SVIL: variants seen among roughly 807,000 people sequenced by gnomAD.
The protein encoded by SVIL is supervillin.
In SVIL, 101 loss-of-function variants were observed where a neutral mutation model predicts 240.4. That is an observed-to-expected ratio of 0.42 (90% CI 0.36 to 0.50). The LOEUF (loss-of-function observed/expected upper bound fraction) is 0.50. SVIL is among the 20% of genes least tolerant of loss of function. The pLI, the probability that SVIL is intolerant of heterozygous loss-of-function variation, is 0.01. For missense variants in SVIL, 2,512 were observed against 2,818.7 expected (o/e 0.89, Z 2.46); for synonymous variants, 999 against 1,100.0 (o/e 0.91, Z 1.82).
chr10:29,700,009 C>G (rs1406683511), intron 1 of SVIL, among the ~76,000 whole-genome samples: 1 of 152,168 alleles, frequency 6.6e-6, no homozygotes, highest in Non-Finnish European at 1.5e-5. Flanking sequence ...AAACTCAGGA[C>G]AGAATTGGTT....
intron 1 of SVIL, among the ~76,000 whole-genome samples, chr10:29,625,478 T>C (rs1227504277): frequency 2.0e-5 from 3 of 152,166 alleles, no homozygotes; most frequent in Admixed American, 1.3e-4. Context: ...TTTTCCTTTT[T>C]TTTGAGACGG....
Position 29,524,520 on chromosome 10 carries a change from C to G in SVIL, c.2538G>C (p.Met846Ile). The G allele has an allele frequency of 6.2e-7, 1 of 1,614,206 alleles. No individual in the cohort carries two copies. The highest frequency in any genetic ancestry group is 2.2e-5 in the East Asian group (1 of 44,864). ...CTGGCTGAGTTTGATAGCGAGCGTT[C>G]ATTCTCCTCTGTCTCGTGTCTATTC... ...RNRIDTRQRR[M>I]NARYQTQPVT... The change falls in exon 14 of 38, where the codon ATG becomes ATC. Residue 846 changes from methionine (M) to isoleucine (I), a missense_variant. Around this residue, in one of 3 missense-constraint regions of SVIL, gnomAD observed 1,443 missense variants for 1,486.6 expected, o/e 0.97. Transcript: ENST00000355867.
intron 1 of SVIL, among the ~76,000 whole-genome samples, chr10:29,703,892 C>T (rs1324151701): frequency 6.6e-6 from 1 of 152,136 alleles, no homozygotes; most frequent in Non-Finnish European, 1.5e-5. Flanking sequence ...GCCTCAAACT[C>T]CTGGGCTCAA....
chr10:29,568,166 A>G (rs1195396840), intron 2 of SVIL, among the ~76,000 whole-genome samples: 3 of 152,086 alleles, frequency 2.0e-5, no homozygotes, highest in East Asian at 1.9e-4. Flanking sequence ...ATGACCCTGG[A>G]TCATCATTGC....
intron 2 of SVIL, among the ~76,000 whole-genome samples, chr10:29,677,823 G>T (rs975452638): frequency 2.0e-5 from 3 of 152,116 alleles, no homozygotes; most frequent in African/African-American, 7.2e-5. Context: ...AACTACATCA[G>T]GAGCTCATTT....
At position 29,703,780 on chromosome 10, in the gene SVIL, A is replaced by G. The variant is rs973347514; in HGVS notation, c.-399-17129T>C. Among the ~76,000 whole-genome samples, 3 of 152,242 alleles carry G rather than the reference A, an allele frequency of 2.0e-5. No individual in the cohort carries two copies. In the East Asian group the frequency reaches 5.8e-4, roughly 29 times the overall value. On this transcript the variant is annotated intron_variant, in intron 1 of 35. Coordinates refer to the SVIL transcript ENST00000375400. ...CAGTAAAGGCCAAGTCTCTCCTCCA[A>G]AGTCCCTGTCAGGTGGGCTCTTGTT...
chr10:29,678,603 C>T (rs1047396499), intron 2 of SVIL, among the ~76,000 whole-genome samples: 1 of 152,222 alleles, frequency 6.6e-6, no homozygotes, highest in African/African-American at 2.4e-5. Flanking sequence ...GCTAGAAACC[C>T]TGCATCTGTG....
intron 17 of SVIL, among the ~76,000 whole-genome samples, chr10:29,502,612 G>A (rs1274771505): frequency 6.6e-6 from 1 of 152,122 alleles, no homozygotes; most frequent in African/African-American, 2.4e-5. Flanking sequence ...CGAATGTGGT[G>A]GGGAAAGGCA....
intron 2 of SVIL, among the ~76,000 whole-genome samples, chr10:29,683,901 T>C (rs1402477361): frequency 2.0e-5 from 3 of 152,124 alleles, no homozygotes; most frequent in Non-Finnish European, 2.9e-5. Context: ...TCTAACCTCA[T>C]GGCACACTGG....
chr10:29,563,034 T>C (rs1407415473), intron 3 of SVIL, among the ~76,000 whole-genome samples, 167 bp downstream of exon 3: 1 of 151,872 alleles, frequency 6.6e-6, no homozygotes, highest in Non-Finnish European at 1.5e-5. Flanking sequence ...AATGCATGGA[T>C]GCATGGAGAG....
intron 3 of SVIL, among the ~76,000 whole-genome samples, chr10:29,556,193 T>A (rs1244204893): frequency 1.3e-5 from 2 of 152,152 alleles, no homozygotes; most frequent in Non-Finnish European, 2.9e-5. Flanking sequence ...TAAAGGTCTC[T>A]CTTTTTGCCT....
intron 1 of SVIL, among the ~76,000 whole-genome samples, chr10:29,705,347 T>C (rs993708839): frequency 3.7e-4 from 57 of 152,160 alleles, no homozygotes; most frequent in African/African-American, 1.2e-3. Context: ...GCAAAGATTC[T>C]GTAGATGTGA....
At chr10:29,571,113 C>G (rs917179007) in intron 1 of SVIL, among the ~76,000 whole-genome samples, 14 of 152,242 alleles carry the variant, frequency 9.2e-5, no homozygotes, top group African/African-American at 3.4e-4. Context: ...CTAAGCAAAA[C>G]TGGGTTGAGA....
chr10:29,488,871 G>A lies in SVIL; in HGVS notation c.4193-115C>T, dbSNP rs573554297. ...ACCTTTGTCTTTTCAAGTTAATCCC[G>A]AGAGGGAAAACATACTCAAGTTTGA... On this transcript the variant is annotated intron_variant, in intron 22 of 37. Transcript: ENST00000355867. 1.6e-4 allele frequency: 192 copies of A among 1,193,374 alleles called. 1 individual carries two copies. In the African/African-American group the frequency reaches 2.6e-3, roughly 16 times the overall value. 73.9% of individuals were successfully genotyped at this position (1,193,374 alleles called of 1,614,324 possible). A position where few individuals can be genotyped will look rare whatever the true frequency, so the allele number is the denominator to read the frequency against.
chr10:29,477,643 C>T (rs923139712), intron 29 of SVIL, among the ~76,000 whole-genome samples: 6 of 152,336 alleles, frequency 3.9e-5, no homozygotes, highest in East Asian at 1.9e-4. Context: ...CCAGAGCTTC[C>T]GCGTTGGTTA....
intron 1 of SVIL, among the ~76,000 whole-genome samples, chr10:29,719,715 A>T (rs990228219): frequency 6.6e-6 from 1 of 152,230 alleles, no homozygotes; most frequent in African/African-American, 2.4e-5. Context: ...GCAGGTAGAC[A>T]TTTCAGAAGA....
chr10:29,484,830 A>G lies in SVIL; in HGVS notation c.4781T>C (p.Val1594Ala), dbSNP rs768070688. ...PKCSLLQPKE[V>A]LVFDFGSEVY... is the part of the protein sequence containing the mutation. ...TTCACTACCAAAATCAAACACCAGT[A>G]CCTGGGAGAAATGGCACAAAAGAAT... Residue 1594 changes from valine (V) to alanine (A), a missense_variant and splice_region_variant, in exon 27 of 38, where the codon GTA becomes GCA. By Grantham distance (64) the Val-to-Ala change is moderately conservative. This residue lies in a region of SVIL where 797 missense variants were observed against 925.3 expected (regional missense o/e 0.86). Coordinates refer to ENST00000355867, the MANE Select transcript of SVIL (RefSeq NM_021738.3). The surrounding 1 kb of genome is among the most constrained non-coding windows in gnomAD (Gnocchi z 4.7). 1 of 1,601,040 alleles carries G rather than the reference A, an allele frequency of 6.2e-7. No individual in the cohort carries two copies. The highest frequency in any genetic ancestry group is 8.5e-7 in the Non-Finnish European group (1 of 1,173,992).
At chr10:29,493,852 G>A (rs1285280654) in intron 20 of SVIL, among the ~76,000 whole-genome samples, 1 of 152,114 alleles carries the variant, frequency 6.6e-6, no homozygotes, top group African/African-American at 2.4e-5. Flanking sequence ...TTCACAAATG[G>A]GCATGGATAT....
intron 2 of SVIL, among the ~76,000 whole-genome samples, chr10:29,668,202 C>T (rs532458745): frequency 1.4e-4 from 21 of 152,228 alleles, no homozygotes; most frequent in African/African-American, 4.1e-4. Flanking sequence ...TAGAGGAGCA[C>T]TGTACTGTAG....
Sources: allele counts gnomAD v4.1 joint callset (sites outside exome capture counted in the v4.1 genomes callset), GRCh38; gene constraint gnomAD v4.1.1; regional missense constraint gnomAD v4.1.1; non-coding constraint Gnocchi (gnomAD v3.1); transcripts MANE v1.5; gene names NCBI Gene and HGNC (gene_info 2026-07-23, HGNC 2026-07-21).